Variants in NXPE2 observed in about 807,000 individuals in gnomAD.
NXPE2 encodes NXPE family member 2.
In NXPE2, 34 loss-of-function variants were observed where a neutral mutation model predicts 34.4. The ratio of observed to expected loss-of-function variants is 0.99; its 90% CI spans 0.75 to 1.31. The LOEUF (loss-of-function observed/expected upper bound fraction) is 1.31, where lower values mean the gene tolerates loss of function less well. Among genes scored for constraint, NXPE2 ranks in the 40% most tolerant of loss-of-function variants. The probability of loss-of-function intolerance (pLI) is 0.00; values close to 1 mark genes in which losing one functional copy is unlikely to be tolerated. For synonymous variants in NXPE2, 235 were observed against 231.3 expected (o/e 1.02, Z -0.15); for missense variants, 649 against 672.5 (o/e 0.97, Z 0.39).
chr11:114,733,899 T>C, the NXPE2 span, among the ~76,000 whole-genome samples: 14 of 152,328 alleles, frequency 9.2e-5, no homozygotes, highest in East Asian at 2.7e-3. Context: ...GTCCCATGTG[T>C]ATATTTTCTT....
the NXPE2 span, among the ~76,000 whole-genome samples, chr11:114,641,239 A>G: frequency 1.4e-4 from 21 of 152,140 alleles, no homozygotes; most frequent in Non-Finnish European, 1.9e-4. Context: ...AAGTTTAAAA[A>G]TATGGAGGAA....
chr11:114,480,612 A>G, the NXPE2 span, among the ~76,000 whole-genome samples: 1 of 152,156 alleles, frequency 6.6e-6, no homozygotes, highest in Non-Finnish European at 1.5e-5. Flanking sequence ...CTTATTTACC[A>G]GTTACGTGAT....
the NXPE2 span, among the ~76,000 whole-genome samples, chr11:114,779,377 CTA>C: frequency 1.3e-5 from 2 of 149,006 alleles, no homozygotes; most frequent in African/African-American, 2.5e-5. Flanking sequence ...TGAGCCGATG[CTA>C]TGACTCAGGT....
chr11:114,528,948 C>A, the NXPE2 span: 1 of 464,598 alleles, frequency 2.2e-6, no homozygotes, highest in Non-Finnish European at 3.9e-6. Flanking sequence ...AGGGAGGGAA[C>A]AGAAACTTAA....
the NXPE2 span, among the ~76,000 whole-genome samples, chr11:114,635,157 T>C: frequency 6.6e-6 from 1 of 150,972 alleles, no homozygotes; most frequent in Non-Finnish European, 1.5e-5. Flanking sequence ...TGGTTTGTAG[T>C]TCTCCTTGAA....
At chr11:114,645,342 G>T in the NXPE2 span, among the ~76,000 whole-genome samples, 2 of 151,844 alleles carry the variant, frequency 1.3e-5, no homozygotes, top group Non-Finnish European at 2.9e-5. Context: ...GTCCCCAAAA[G>T]ATTCCCTATA....
At chr11:114,743,803 G>A in the NXPE2 span, among the ~76,000 whole-genome samples, 28 of 151,284 alleles carry the variant, frequency 1.9e-4, no homozygotes, top group African/African-American at 6.6e-4. Flanking sequence ...ATATGTGTGT[G>A]TGTGTATGTG....
At chr11:114,632,332 CATAAT>C in the NXPE2 span, among the ~76,000 whole-genome samples, 76 of 132,118 alleles carry the variant, frequency 5.8e-4, no homozygotes, top group East Asian at 4.1e-3. Flanking sequence ...CACTGGGTAA[CATAAT>C]AGAATATATA....
At chr11:114,464,350 A>G in the NXPE2 span, among the ~76,000 whole-genome samples, 8 of 152,118 alleles carry the variant, frequency 5.3e-5, no homozygotes, top group Non-Finnish European at 2.9e-5. Flanking sequence ...AGAAATAAGA[A>G]TTTGGCAAGT....
chr11:114,720,329 C>A, the NXPE2 span, among the ~76,000 whole-genome samples: 1 of 152,220 alleles, frequency 6.6e-6, no homozygotes, highest in Non-Finnish European at 1.5e-5. Context: ...GGGAGAGAGT[C>A]TCACCTGAGT....
the NXPE2 span, among the ~76,000 whole-genome samples, chr11:114,808,953 C>T: frequency 4.1e-3 from 616 of 152,086 alleles, 5 homozygotes; most frequent in Non-Finnish European, 6.4e-3. Context: ...AGTAAAACAC[C>T]GGCAAACTGA....
At chr11:114,595,050 G>T in the NXPE2 span, among the ~76,000 whole-genome samples, 1 of 152,180 alleles carries the variant, frequency 6.6e-6, no homozygotes, top group South Asian at 2.1e-4. Context: ...ATGCAAGCTT[G>T]CTCGTGTCTA....
the NXPE2 span, among the ~76,000 whole-genome samples, chr11:114,594,507 A>G: frequency 6.6e-6 from 1 of 152,214 alleles, no homozygotes; most frequent in African/African-American, 2.4e-5. Flanking sequence ...ATCCTCTCAC[A>G]TATTGCTTAA....
chr11:114,535,676 A>T, the NXPE2 span, among the ~76,000 whole-genome samples: 2 of 152,232 alleles, frequency 1.3e-5, no homozygotes, highest in Non-Finnish European at 2.9e-5. Flanking sequence ...AGATCAAAAG[A>T]GACAAAGAAG....
At chr11:114,599,763 A>G in the NXPE2 span, among the ~76,000 whole-genome samples, 1 of 152,124 alleles carries the variant, frequency 6.6e-6, no homozygotes, top group Non-Finnish European at 1.5e-5. Flanking sequence ...CTCACTATAC[A>G]GTACCAGTGG....
the NXPE2 span, among the ~76,000 whole-genome samples, chr11:114,742,366 G>A: frequency 9.2e-5 from 14 of 152,090 alleles, no homozygotes; most frequent in Admixed American, 5.9e-4. Context: ...GCCTTTCTTC[G>A]TTGCTCCCAT....
chr11:114,486,532 G>A, the NXPE2 span, among the ~76,000 whole-genome samples: 1 of 151,958 alleles, frequency 6.6e-6, no homozygotes, highest in African/African-American at 2.4e-5. Flanking sequence ...TTTTTGCTTG[G>A]TTGCCTGTGA....
At chr11:114,633,185 T>C in the NXPE2 span, among the ~76,000 whole-genome samples, 1 of 129,576 alleles carries the variant, frequency 7.7e-6, no homozygotes, top group Non-Finnish European at 1.5e-5. Context: ...TATATGATTA[T>C]ATTTTATTAT....
At chr11:114,486,127 C>G in the NXPE2 span, among the ~76,000 whole-genome samples, 1 of 152,144 alleles carries the variant, frequency 6.6e-6, no homozygotes, top group Non-Finnish European at 1.5e-5. Context: ...ACAAGGGTTC[C>G]TTTTTCTCCA....
Sources: gnomAD v4.1 joint callset for allele counts (sites outside exome capture counted in the v4.1 genomes callset) on GRCh38, gnomAD v4.1.1 for gene constraint, MANE v1.5 for transcripts, NCBI Gene and HGNC (gene_info 2026-07-23, HGNC 2026-07-21) for gene names.